RELN: variants seen among roughly 807,000 people sequenced by gnomAD.
RELN encodes reelin.
In RELN, 108 loss-of-function variants were observed where a neutral mutation model predicts 427.6. The observed-to-expected ratio is 0.25, with a 90% CI of 0.22 to 0.30. The LOEUF (loss-of-function observed/expected upper bound fraction) is 0.30. Ranked by LOEUF, RELN falls within the 10% of genes least tolerant of loss-of-function variation. RELN has a pLI of 1.00. For synonymous variants in RELN, 1,524 were observed against 1,513.4 expected, an observed-to-expected ratio of 1.01 and a Z score of -0.16; for missense variants, 3,715 against 4,302.8, an observed-to-expected ratio of 0.86 and a Z score of 3.82.
intron 4 of RELN, among the ~76,000 whole-genome samples, chr7:103,757,142 C>T (rs1315694296): frequency 1.3e-5 from 2 of 152,108 alleles, no homozygotes; most frequent in South Asian, 4.2e-4. Flanking sequence ...CCTGCCTTGC[C>T]TCATACTAGT....
intron 31 of RELN, among the ~76,000 whole-genome samples, chr7:103,571,411 T>A (rs1357921424): frequency 6.6e-6 from 1 of 152,156 alleles, no homozygotes; most frequent in Admixed American, 6.5e-5. Context: ...CAGAACTGAA[T>A]CATTTGAGGC....
rs1015838939 is a variant in RELN at position 103,953,824 on chromosome 7, C to T, written c.226+35307G>A. On this transcript the variant is annotated intron_variant, in intron 1 of 64. Transcript: ENST00000428762. This position sits in a 1 kb window ranked among gnomAD's most constrained non-coding sequence, Gnocchi z 4.3. The stretch of plus-strand genomic sequence containing the variant: ...GCACACGCCTATAATCCCAACTACT[C>T]GGGAGACTGAGGCAGGAGAATCCCC... 2.0e-5 allele frequency among the ~76,000 whole-genome samples: 3 copies of T among 152,030 alleles called. No homozygotes were observed. Among genetic ancestry groups the T allele is most frequent in the Middle Eastern group, 3.4e-3 (1 of 294 alleles).
intron 1 of RELN, among the ~76,000 whole-genome samples, chr7:103,939,468 A>G (rs186111242): frequency 6.6e-6 from 1 of 152,236 alleles, no homozygotes; most frequent in Admixed American, 6.5e-5. Context: ...AGACAGACAC[A>G]AACACACACA....
rs3051647 is a variant in RELN, at chr7:103,489,203, G to GGTGTGTGTGTGTGT, written c.9763+525_9763+538dup. 9.7e-3 allele frequency among the ~76,000 whole-genome samples: 1,428 copies of GGTGTGTGTGTGTGT among 147,846 alleles called. 19 individuals are homozygous for GGTGTGTGTGTGTGT. Among genetic ancestry groups the GGTGTGTGTGTGTGT allele is most frequent in the African/African-American group, 0.026 (1,042 of 39,362 alleles). On this transcript the variant is annotated intron_variant, in intron 60 of 64. Transcript: ENST00000428762. ...AATGTATTTCTTTGAGTCATAAAGGGGTGTGTGTGTGTGTGTGTGTGTGTG... is the reference window on the plus strand; with the variant it reads ...AATGTATTTCTTTGAGTCATAAAGGGGTGTGTGTGTGTGTGTGTGTGTGTGTGTGTGTGTGTGTG...
intron 2 of RELN, among the ~76,000 whole-genome samples, chr7:103,873,982 GC>G (rs1563064299): frequency 7.0e-6 from 1 of 143,648 alleles, no homozygotes; most frequent in Non-Finnish European, 1.5e-5. Flanking sequence ...ACCGAATCCA[GC>G]AGCACATCAA....
At chr7:103,692,547 C>T (rs11984057) in intron 10 of RELN, among the ~76,000 whole-genome samples, 1 of 152,074 alleles carries the variant, frequency 6.6e-6, no homozygotes, top group African/African-American at 2.4e-5. Context: ...CCCATTTCTA[C>T]TGCAGGAGAC....
At chr7:103,659,647 T>G (rs1050378125) in intron 12 of RELN, among the ~76,000 whole-genome samples, 1 of 152,172 alleles carries the variant, frequency 6.6e-6, no homozygotes, top group Admixed American at 6.6e-5. Context: ...CAGCTTCCTC[T>G]ATACTCTCAT....
chr7:103,579,264 A>G (rs1472917455), intron 28 of RELN, among the ~76,000 whole-genome samples: 1 of 152,192 alleles, frequency 6.6e-6, no homozygotes, highest in Non-Finnish European at 1.5e-5. Flanking sequence ...AGAGGAAGTA[A>G]TGATTGAGAG....
At position 103,598,186 on chromosome 7, in the gene RELN, C is replaced by T. The variant is rs140156124; in HGVS notation, c.3334-1525G>A. ...AGGTCTAAAGCCAATTAAGAGTTTT[C>T]AAAATAAACAAGGGTGCTAGCAAAA... is the stretch of plus-strand genomic sequence containing the variant. On this transcript the variant is annotated intron_variant, in intron 24 of 64. Coordinates refer to ENST00000428762, the MANE Select transcript of RELN (RefSeq NM_005045.4). Among the ~76,000 whole-genome samples the T allele has an allele frequency of 2.0e-3, 308 of 152,144 alleles. 1 individual carries two copies. Among genetic ancestry groups the T allele is most frequent in the African/African-American group, 7.1e-3 (295 of 41,512 alleles).
At position 103,611,703 on chromosome 7, in the gene RELN, C is replaced by T. The variant is rs1249935247; in HGVS notation, c.2803G>A (p.Gly935Arg). The change falls in exon 21 of 65, where the codon GGA becomes AGA. Residue 935 changes from glycine to arginine, a missense_variant. Around this residue, in one of 4 missense-constraint regions of RELN, gnomAD observed 2,208 missense variants for 2,361.7 expected, o/e 0.93. Transcript: ENST00000428762. Reference protein sequence around the residue: ...SYMIQFSLVMGCGQKYTPHMD... With the variant: ...SYMIQFSLVMRCGQKYTPHMD... Reference sequence around the variant, plus strand: ...TGTGGGGTGTATTTCTGGCCACATCCCATCACCAAACTGAACTGAATCATA... The same window carrying T: ...TGTGGGGTGTATTTCTGGCCACATCTCATCACCAAACTGAACTGAATCATA... 1 of 1,613,822 alleles carries T rather than the reference C, an allele frequency of 6.2e-7. No homozygotes were observed. Among genetic ancestry groups the T allele is most frequent in the Non-Finnish European group, 8.5e-7 (1 of 1,179,908 alleles).
chr7:103,951,089 C>G (rs531223736), intron 1 of RELN, among the ~76,000 whole-genome samples: 1 of 152,274 alleles, frequency 6.6e-6, no homozygotes, highest in Admixed American at 6.5e-5. Flanking sequence ...GCCACCACGC[C>G]CAGCTAATTT....
intron 6 of RELN, among the ~76,000 whole-genome samples, chr7:103,745,228 A>C (rs1790787129): frequency 6.6e-6 from 1 of 152,162 alleles, no homozygotes; most frequent in South Asian, 2.1e-4. Flanking sequence ...CTTCATGCTA[A>C]AAACTCTCAA....
chr7:103,980,395 T>C (rs1361342101), intron 1 of RELN, among the ~76,000 whole-genome samples: 3 of 152,120 alleles, frequency 2.0e-5, no homozygotes, highest in East Asian at 1.9e-4. Flanking sequence ...TTGTTTAGCA[T>C]AGATATCAGC....
At chr7:103,625,687 T>A (rs2117323689) in intron 20 of RELN, among the ~76,000 whole-genome samples, 1 of 151,630 alleles carries the variant, frequency 6.6e-6, no homozygotes, top group Middle Eastern at 3.4e-3. Flanking sequence ...CCCCTTTTTT[T>A]AGAAGAAATA....
At chr7:103,889,012 T>C (rs942332980) in intron 2 of RELN, among the ~76,000 whole-genome samples, 2 of 152,140 alleles carry the variant, frequency 1.3e-5, no homozygotes, top group African/African-American at 4.8e-5. Context: ...TGCAGAGGAC[T>C]CATGCACTGC....
At chr7:103,610,420 A>G (rs1463183154) in intron 22 of RELN, among the ~76,000 whole-genome samples, 1 of 152,186 alleles carries the variant, frequency 6.6e-6, no homozygotes, top group Non-Finnish European at 1.5e-5. Flanking sequence ...TTCTCCCATA[A>G]AAAGAAAAAG....
intron 8 of RELN, among the ~76,000 whole-genome samples, chr7:103,715,351 GA>G (rs1789911265): frequency 6.6e-6 from 1 of 151,924 alleles, no homozygotes; most frequent in South Asian, 2.1e-4. Flanking sequence ...ATAATATATA[GA>G]AAAAGAACCA....
intron 46 of RELN, among the ~76,000 whole-genome samples, chr7:103,535,033 G>A (rs142905488): frequency 1.5e-3 from 225 of 152,282 alleles, no homozygotes; most frequent in African/African-American, 5.3e-3. Context: ...AGTTGGAGAA[G>A]CCAAGTGATG....
rs754907952 is a variant in RELN at position 103,498,241 on chromosome 7, C to A, written c.8679G>T (p.Lys2893Asn). The A allele has an allele frequency of 1.9e-6, 3 of 1,613,758 alleles. No individual in the cohort carries two copies. In the African/African-American group the frequency reaches 4.0e-5, roughly 22 times the overall value. Residue 2893 changes from lysine to asparagine, a missense_variant, in exon 54 of 65, where the codon AAG (lysine) becomes AAT (asparagine). Physicochemically the swap from Lys to Asn is moderately conservative, Grantham distance 94. This residue lies in a region of RELN where 1,310 missense variants were observed against 1,643.0 expected (regional missense o/e 0.80). Transcript: ENST00000428762. ...YLTHTLKTFL[K>N]ERFDSEEIKP... ...TGATTTCTTCACTGTCAAAGCGTTC[C>A]TTCAGGAAAGTCTGGAAATAAAATA...
Sources: gnomAD v4.1 joint callset for allele counts (sites outside exome capture counted in the v4.1 genomes callset) on GRCh38, gnomAD v4.1.1 for gene constraint, gnomAD v4.1.1 regional missense constraint, Gnocchi (gnomAD v3.1) non-coding constraint, MANE v1.5 for transcripts, NCBI Gene and HGNC (gene_info 2026-07-23, HGNC 2026-07-21) for gene names.